Variants in PLEKHG1 observed in about 807,000 individuals in gnomAD.
PLEKHG1 encodes the protein pleckstrin homology and RhoGEF domain containing G1, also known as pleckstrin homology domain-containing family G member 1.
In PLEKHG1, 44 loss-of-function variants were observed where a neutral mutation model predicts 100.8. That is an observed-to-expected ratio of 0.44 (90% CI 0.34 to 0.56). The LOEUF is 0.56. Among genes scored for constraint, PLEKHG1 ranks in the 20% least tolerant of loss-of-function variants. The pLI, the probability that PLEKHG1 is intolerant of heterozygous loss-of-function variation, is 0.01. For synonymous variants in PLEKHG1, 640 were observed against 662.5 expected, an observed-to-expected ratio of 0.97 and a Z score of 0.52; for missense variants, 1,545 against 1,720.9, an observed-to-expected ratio of 0.90 and a Z score of 1.81.
At chr6:150,830,363 C>T (rs981218464) in intron 14 of PLEKHG1, among the ~76,000 whole-genome samples, 9 of 152,096 alleles carry the variant, frequency 5.9e-5, no homozygotes, top group South Asian at 2.1e-4. Flanking sequence ...TGGTTCACAC[C>T]TGTAGTGCCA....
chr6:150,727,211 T>C (rs563193658), intron 1 of PLEKHG1, among the ~76,000 whole-genome samples: 1 of 152,324 alleles, frequency 6.6e-6, no homozygotes, highest in African/African-American at 2.4e-5. Flanking sequence ...ATGAGCAGAA[T>C]TTGGAAACCC....
chr6:150,619,271 T>C (rs1777196564), intron 1 of PLEKHG1, among the ~76,000 whole-genome samples: 2 of 152,122 alleles, frequency 1.3e-5, no homozygotes, highest in Non-Finnish European at 2.9e-5. Context: ...GTGGTCTCCT[T>C]TGCACTTTAG....
chr6:150,768,276 A>G lies in PLEKHG1; in HGVS notation c.412-362A>G, dbSNP rs538034044. On this transcript the variant is annotated intron_variant, in intron 2 of 15. Coordinates refer to ENST00000358517, the Ensembl canonical transcript of PLEKHG1. The stretch of plus-strand genomic sequence containing the variant: ...GAATTTTTATTTCTGGTTTTTCACT[A>G]TATGAATTTTAGAGTATGTTTTAAT... 2.6e-5 allele frequency among the ~76,000 whole-genome samples: 4 copies of G among 152,358 alleles called. No homozygotes were observed. In the East Asian group the frequency reaches 5.8e-4, roughly 22 times the overall value.
chr6:150,660,696 G>A (rs965832348), intron 3 of PLEKHG1, among the ~76,000 whole-genome samples: 6 of 152,140 alleles, frequency 3.9e-5, no homozygotes, highest in Non-Finnish European at 7.3e-5. Context: ...AATTCCAACT[G>A]GAGCTTTGAA....
intron 10 of PLEKHG1, among the ~76,000 whole-genome samples, chr6:150,811,338 T>C (rs1023943187): frequency 6.6e-6 from 1 of 151,458 alleles, no homozygotes; most frequent in African/African-American, 2.4e-5. Flanking sequence ...GGTGCAAACA[T>C]GGCTCACTGC....
intron 2 of PLEKHG1, among the ~76,000 whole-genome samples, chr6:150,638,765 G>A (rs1412669728): frequency 6.6e-6 from 1 of 152,132 alleles, no homozygotes; most frequent in Non-Finnish European, 1.5e-5. Flanking sequence ...CCAAAAATCA[G>A]TTCTAAGTCA....
chr6:150,666,379 T>C (rs562033576), intron 3 of PLEKHG1, among the ~76,000 whole-genome samples: 3 of 152,316 alleles, frequency 2.0e-5, no homozygotes, highest in South Asian at 4.1e-4. Context: ...CTCAAGGGTT[T>C]CCATGGTCTG....
chr6:150,787,810 TTGTG>T (rs1055045615), intron 4 of PLEKHG1, among the ~76,000 whole-genome samples: 6 of 152,116 alleles, frequency 3.9e-5, no homozygotes, highest in Admixed American at 1.3e-4. Context: ...TCTCCTGACT[TTGTG>T]TGTGTGTGTT....
chr6:150,657,318 G>GC (rs1390329279), intron 3 of PLEKHG1, among the ~76,000 whole-genome samples: 2 of 152,164 alleles, frequency 1.3e-5, no homozygotes, highest in African/African-American at 4.8e-5. Context: ...AAGATACAAG[G>GC]CTTCTGCCAA....
At chr6:150,622,756 G>A (rs1398486858) in intron 1 of PLEKHG1, among the ~76,000 whole-genome samples, 1 of 152,214 alleles carries the variant, frequency 6.6e-6, no homozygotes, top group Non-Finnish European at 1.5e-5. Flanking sequence ...TGTTGATGGT[G>A]TTTTGCCACT....
chr6:150,693,756 A>T (rs1780434311), intron 3 of PLEKHG1, among the ~76,000 whole-genome samples: 1 of 152,214 alleles, frequency 6.6e-6, no homozygotes, highest in South Asian at 2.1e-4. Flanking sequence ...TATGTTCATA[A>T]ATCATGCACC....
chr6:150,738,199 T>C (rs565769015), intron 2 of PLEKHG1, among the ~76,000 whole-genome samples: 1 of 152,312 alleles, frequency 6.6e-6, no homozygotes, highest in East Asian at 1.9e-4. Flanking sequence ...TACAGTAGCA[T>C]GATTTCTGAC....
chr6:150,829,289 A>C (rs1040824666), intron 14 of PLEKHG1, among the ~76,000 whole-genome samples: 5 of 152,214 alleles, frequency 3.3e-5, no homozygotes, highest in African/African-American at 1.2e-4. Context: ...GTTCCAAGTT[A>C]TAAAAGACCT....
At chr6:150,688,343 A>T (rs9885650) in intron 3 of PLEKHG1, among the ~76,000 whole-genome samples, 44,644 of 151,430 alleles carry the variant, frequency 0.29, 8,153 homozygotes, top group African/African-American at 0.52. Flanking sequence ...TTTTTTGAGA[A>T]GGAGTCTCAC....
chr6:150,736,558 C>A (rs577517817), intron 2 of PLEKHG1, among the ~76,000 whole-genome samples: 1 of 152,102 alleles, frequency 6.6e-6, no homozygotes, highest in African/African-American at 2.4e-5. Flanking sequence ...CACCTGAGGT[C>A]GGGAGTTCGA....
At chr6:150,643,752 C>G (rs1451748164) in intron 2 of PLEKHG1, among the ~76,000 whole-genome samples, 14 of 152,156 alleles carry the variant, frequency 9.2e-5, no homozygotes, top group Admixed American at 9.2e-4. Flanking sequence ...ACCAGGCATT[C>G]ACTACATAAT....
chr6:150,726,847 G>C (rs1359245806), intron 1 of PLEKHG1, among the ~76,000 whole-genome samples: 2 of 152,162 alleles, frequency 1.3e-5, no homozygotes, highest in East Asian at 3.8e-4. Flanking sequence ...ATATTGCTGT[G>C]AGGGAATAAA....
intron 2 of PLEKHG1, among the ~76,000 whole-genome samples, chr6:150,759,694 A>G (rs893349896): frequency 2.0e-5 from 3 of 152,154 alleles, no homozygotes; most frequent in African/African-American, 7.2e-5. Context: ...GTGCTTAGCA[A>G]TAAACTTTAA....
intron 3 of PLEKHG1, among the ~76,000 whole-genome samples, chr6:150,781,126 C>T (rs1396885335): frequency 1.3e-5 from 2 of 151,070 alleles, no homozygotes; most frequent in African/African-American, 2.4e-5. Context: ...CCACCTGCCT[C>T]GGCCTCCCAA....
Sources: gnomAD v4.1 joint callset for allele counts (sites outside exome capture counted in the v4.1 genomes callset) on GRCh38, gnomAD v4.1.1 for gene constraint, MANE v1.5 for transcripts, NCBI Gene and HGNC (gene_info 2026-07-23, HGNC 2026-07-21) for gene names.